SYNE2: variants seen among roughly 807,000 people sequenced by gnomAD.
The protein encoded by SYNE2 is nesprin-2.
A neutral mutation model predicts 856.3 loss-of-function variants in SYNE2; 431 were observed. That is an observed-to-expected ratio of 0.50 (90% CI 0.47 to 0.55). The LOEUF (loss-of-function observed/expected upper bound fraction) is 0.55. Among genes scored for constraint, SYNE2 ranks in the 20% least tolerant of loss-of-function variants. The pLI is 0.00. For missense variants in SYNE2, 8,129 were observed against 8,023.2 expected (o/e 1.01, Z -0.50); for synonymous variants, 2,923 against 2,872.3 (o/e 1.02, Z -0.56).
At chr14:64,201,200 G>A (rs558156297) in intron 99 of SYNE2, among the ~76,000 whole-genome samples, 3 of 152,166 alleles carry the variant, frequency 2.0e-5, no homozygotes, top group South Asian at 4.1e-4. Context: ...CTGGAGTTCC[G>A]GCCCTCACCT....
chr14:63,830,093 C>T (rs1007206246), intron 1 of SYNE2, among the ~76,000 whole-genome samples: 1 of 152,054 alleles, frequency 6.6e-6, no homozygotes, highest in African/African-American at 2.4e-5. Context: ...AACTTGAAAA[C>T]GTTATGCCAA....
rs531384482 is a variant in SYNE2 at position 63,880,130 on chromosome 14, G to A, written c.-52+26987G>A. Among the ~76,000 whole-genome samples, 72 of 151,956 alleles carry A rather than the reference G, an allele frequency of 4.7e-4. No homozygotes were observed. In the South Asian group the frequency reaches 0.015, roughly 32 times the overall value. On this transcript the variant is annotated intron_variant, in intron 1 of 115. Transcript: ENST00000555002. ...TTTTGAGACAGGATCTTACTCTGTT[G>A]CCCAGACTGGAGTGCAGTAGCACGA...
chr14:64,221,189 C>G (rs2098692356), intron 111 of SYNE2, among the ~76,000 whole-genome samples: 1 of 152,210 alleles, frequency 6.6e-6, no homozygotes, highest in Non-Finnish European at 1.5e-5. Flanking sequence ...CTGCCTAGCT[C>G]TGGCTGTGTC....
intron 59 of SYNE2, among the ~76,000 whole-genome samples, chr14:64,090,174 A>G (rs1371411991): frequency 6.6e-6 from 1 of 152,180 alleles, no homozygotes; most frequent in Non-Finnish European, 1.5e-5. Context: ...GTTTAGGACT[A>G]GGGAGGCCTG....
In SYNE2 at chr14:63,954,702, T is replaced by C. The variant is rs2096218444; in HGVS notation, c.591-17T>C. On this transcript the variant is annotated splice_polypyrimidine_tract_variant and intron_variant, in intron 7 of 115. Coordinates refer to ENST00000555002, the MANE Select transcript of SYNE2 (RefSeq NM_182914.3). ...CTTTTTAATGGTATTTGTCATGTTT[T>C]TGTCTTTTTATGATAGCTATGAGTC... The C allele has an allele frequency of 6.2e-6, 10 of 1,611,700 alleles. No individual in the cohort carries two copies. Among genetic ancestry groups the C allele is most frequent in the Non-Finnish European group, 8.5e-6 (10 of 1,178,060 alleles).
chr14:63,871,681 A>T (rs1369666869), intron 1 of SYNE2, among the ~76,000 whole-genome samples: 1 of 149,070 alleles, frequency 6.7e-6, no homozygotes, highest in East Asian at 2.0e-4. Context: ...TTTTGTAGAG[A>T]TGGGGTTTCG....
chr14:64,162,495 T>C (rs1218721003), intron 88 of SYNE2: 1 of 599,008 alleles, frequency 1.7e-6, no homozygotes, highest in South Asian at 1.8e-5. Flanking sequence ...GGACTCGATA[T>C]CACCTCGTTC....
chr14:63,891,432 G>C (rs1476062117), intron 1 of SYNE2, among the ~76,000 whole-genome samples: 1 of 152,092 alleles, frequency 6.6e-6, no homozygotes, highest in Non-Finnish European at 1.5e-5. Context: ...GGTTTGTCTT[G>C]GAGATTAAAG....
chr14:64,074,558 G>T (rs1207658036), intron 53 of SYNE2, among the ~76,000 whole-genome samples: 1 of 152,090 alleles, frequency 6.6e-6, no homozygotes, highest in Non-Finnish European at 1.5e-5. Context: ...TTTCATTCCA[G>T]TCCAATAGTG....
chr14:64,190,653 A>C (rs1259855008), intron 99 of SYNE2: 1 of 701,090 alleles, frequency 1.4e-6, no homozygotes, highest in Non-Finnish European at 2.6e-6. Context: ...CTGGGGGCCC[A>C]TGACTGCCCC....
intron 2 of SYNE2, among the ~76,000 whole-genome samples, chr14:63,927,616 C>T (rs779020628): frequency 2.1e-4 from 32 of 151,078 alleles, no homozygotes; most frequent in African/African-American, 2.9e-4. Context: ...GCCTTTCGGC[C>T]GGCGCTGTGG....
rs910226214 is a variant in SYNE2 at position 63,995,336 on chromosome 14, T to C, written c.2940+134T>C. On this transcript the variant is annotated intron_variant, in intron 23 of 115. Coordinates refer to ENST00000555002, the MANE Select transcript of SYNE2 (RefSeq NM_182914.3). The stretch of plus-strand genomic sequence containing the variant: ...CCCTCCTCTCCCCGGGGATGATCAC[T>C]TCTTTGCTTCACACTCGCAGCAGAG... 93 of 678,328 alleles carry C rather than the reference T, an allele frequency of 1.4e-4. No homozygotes were observed. The Admixed American group carries it at 2.5e-3, about 18-fold the overall frequency. The allele number at this position is 678,328 out of a possible 1,614,324, so 42.0% of individuals were successfully genotyped here.
At chr14:64,173,636 A>T (rs540568041) in intron 94 of SYNE2, among the ~76,000 whole-genome samples, 42 of 152,232 alleles carry the variant, frequency 2.8e-4, no homozygotes, top group African/African-American at 7.7e-4. Flanking sequence ...AGAGATAGGT[A>T]CTCACTCTGT....
chr14:64,120,819 T>A, intron 67 of SYNE2, 108 bp from the exon 68 acceptor site: 2 of 1,146,812 alleles, frequency 1.7e-6, no homozygotes, highest in Non-Finnish European at 2.5e-6. Context: ...CAAAATACCA[T>A]CATTTATTTC....
chr14:64,100,564 ATATATATT>A (rs1193589436), intron 63 of SYNE2, among the ~76,000 whole-genome samples: 1 of 131,014 alleles, frequency 7.6e-6, no homozygotes, highest in African/African-American at 3.0e-5. Flanking sequence ...ATATATATAT[ATATATATT>A]TATGACATGT....
At chr14:63,897,217 C>T (rs2095266464) in intron 1 of SYNE2, among the ~76,000 whole-genome samples, 1 of 152,108 alleles carries the variant, frequency 6.6e-6, no homozygotes, top group Non-Finnish European at 1.5e-5. Context: ...TGTGCCACTG[C>T]ACTCCAGCCT....
chr14:63,948,593 G>A (rs1185359038), intron 6 of SYNE2, among the ~76,000 whole-genome samples: 1 of 150,592 alleles, frequency 6.6e-6, no homozygotes. Flanking sequence ...ACCGGGAGGC[G>A]GAGGTTGCAG....
rs370226841 is a variant in SYNE2, at chr14:64,186,382, T to G, written c.17557-42T>G. On this transcript the variant is annotated intron_variant, in intron 96 of 115. Transcript: ENST00000555002. ...TACAGGTTTGGAAACAACAGCCGCTTGAGTTGAAGGCTTTTTACCCCCTTC... is the reference window on the plus strand; with the variant it reads ...TACAGGTTTGGAAACAACAGCCGCTGGAGTTGAAGGCTTTTTACCCCCTTC... 5 of 1,613,260 alleles carry G rather than the reference T, an allele frequency of 3.1e-6. No individual in the cohort carries two copies. The African/African-American group carries it at 4.0e-5, about 13-fold the overall frequency.
chr14:63,948,064 C>T (rs1272718612), intron 6 of SYNE2, among the ~76,000 whole-genome samples: 1 of 151,930 alleles, frequency 6.6e-6, no homozygotes, highest in African/African-American at 2.4e-5. Context: ...TTAAGAAAGT[C>T]TTCATTATTA....
Sources: gnomAD v4.1 joint callset for allele counts (sites outside exome capture counted in the v4.1 genomes callset) on GRCh38, gnomAD v4.1.1 for gene constraint, MANE v1.5 for transcripts, NCBI Gene and HGNC (gene_info 2026-07-23, HGNC 2026-07-21) for gene names.